The following LANCL2 variants were observed in gnomAD, a reference collection of about 807,000 sequenced individuals.
LANCL2 encodes LanC like glutathione S-transferase 2.
A neutral mutation model predicts 56.9 loss-of-function variants in LANCL2; 33 were observed. The ratio of observed to expected loss-of-function variants is 0.58; its 90% confidence interval spans 0.44 to 0.78. LANCL2 has a LOEUF of 0.78. Ranked by LOEUF, LANCL2 falls within the 30% of genes least tolerant of loss-of-function variation. The pLI, the probability that LANCL2 is intolerant of heterozygous loss-of-function variation, is 0.00. For missense variants in LANCL2, 562 were observed against 580.2 expected (o/e 0.97, Z 0.32); for synonymous variants, 233 against 228.2 (o/e 1.02, Z -0.19).
At chr7:55,411,457 T>C (rs113284140) in intron 5 of LANCL2, 2,748 of 153,456 alleles carry the variant, frequency 0.018, 82 homozygotes, top group African/African-American at 0.061. Flanking sequence ...GCTATGATTA[T>C]TCTATTTTAG....
intron 6 of LANCL2, among the ~76,000 whole-genome samples, chr7:55,421,843 A>G (rs1396541421): frequency 3.3e-5 from 5 of 152,202 alleles, no homozygotes; most frequent in African/African-American, 7.2e-5. Flanking sequence ...TATAAAATCT[A>G]TGAATGTTGT....
intron 5 of LANCL2, among the ~76,000 whole-genome samples, chr7:55,401,550 CT>C (rs58797958): frequency 1.9e-4 from 10 of 51,332 alleles, no homozygotes; most frequent in South Asian, 1.9e-3. Context: ...TTCCAATTTT[CT>C]TTTTTTTTTT....
intron 6 of LANCL2, among the ~76,000 whole-genome samples, chr7:55,413,615 A>T (rs969032307): frequency 7.2e-5 from 11 of 152,240 alleles, no homozygotes; most frequent in Admixed American, 5.9e-4. Flanking sequence ...ACTGCTGGCC[A>T]CTTGGGAGCA....
intron 1 of LANCL2, among the ~76,000 whole-genome samples, chr7:55,384,281 C>T (rs1790100564): frequency 6.6e-6 from 1 of 152,182 alleles, no homozygotes; most frequent in South Asian, 2.1e-4. Flanking sequence ...GGGCCGGGTG[C>T]AGTGGCTCAC....
chr7:55,379,005 C>T (rs1298334596), intron 1 of LANCL2, among the ~76,000 whole-genome samples: 3 of 152,138 alleles, frequency 2.0e-5, no homozygotes, highest in Non-Finnish European at 2.9e-5. Context: ...GTTGCAGGCG[C>T]CTGTAGTCCC....
intron 1 of LANCL2, among the ~76,000 whole-genome samples, chr7:55,367,693 C>G (rs902743876): frequency 6.6e-6 from 1 of 152,216 alleles, no homozygotes; most frequent in Non-Finnish European, 1.5e-5. Flanking sequence ...CCATTGCACT[C>G]CAGCCTGGGC....
chr7:55,369,850 A>G (rs1789923272), intron 1 of LANCL2, among the ~76,000 whole-genome samples: 1 of 152,182 alleles, frequency 6.6e-6, no homozygotes, highest in African/African-American at 2.4e-5. Context: ...GAGAACTCTG[A>G]AGAGTGTAGG....
chr7:55,384,664 T>A (rs1172926302), intron 1 of LANCL2, among the ~76,000 whole-genome samples: 1 of 151,692 alleles, frequency 6.6e-6, no homozygotes, highest in Non-Finnish European at 1.5e-5. Flanking sequence ...AAAGAGCACA[T>A]CTTGGTAGGA....
intron 1 of LANCL2, among the ~76,000 whole-genome samples, chr7:55,379,051 A>G (rs1204706011): frequency 6.6e-6 from 1 of 152,132 alleles, no homozygotes; most frequent in African/African-American, 2.4e-5. Context: ...GAATGGTGTG[A>G]AGGCAGGAGA....
Position 55,419,439 on chromosome 7 carries a change from T to G in LANCL2, c.1009-5815T>G, listed in dbSNP as rs575210251. ...TTTTTGGAGATAGAATCTTGCTGTT[T>G]CTCCCAGGCTGGAGTGCAGTGGCAC... On this transcript the variant is annotated intron_variant, in intron 6 of 8. Transcript: ENST00000254770. Among the ~76,000 whole-genome samples the G allele has an allele frequency of 1.1e-3, 164 of 150,974 alleles. 2 individuals are homozygous for G. The highest frequency in any genetic ancestry group is 2.0e-3 in the Non-Finnish European group (137 of 67,724).
At chr7:55,367,746 C>G (rs1789891876) in intron 1 of LANCL2, among the ~76,000 whole-genome samples, 1 of 152,126 alleles carries the variant, frequency 6.6e-6, no homozygotes, top group African/African-American at 2.4e-5. Context: ...GCAAGCAAAC[C>G]TGTGGGAACA....
chr7:55,369,529 A>G (rs1053806545), intron 1 of LANCL2, among the ~76,000 whole-genome samples: 2 of 152,172 alleles, frequency 1.3e-5, no homozygotes, highest in Admixed American at 6.5e-5. Context: ...AAAGCAGTGA[A>G]CCAGTGTAGT....
intron 6 of LANCL2, among the ~76,000 whole-genome samples, chr7:55,425,039 A>G (rs1049647381): frequency 1.3e-5 from 2 of 152,186 alleles, no homozygotes; most frequent in Non-Finnish European, 2.9e-5. Flanking sequence ...CACTGGTGCC[A>G]AAAAGGTTGG....
At chr7:55,409,849 C>T (rs1440441381) in intron 5 of LANCL2, among the ~76,000 whole-genome samples, 1 of 152,118 alleles carries the variant, frequency 6.6e-6, no homozygotes. Flanking sequence ...GAAAGTTACT[C>T]CAGGAAAAAC....
chr7:55,388,249 T>C (rs1790147301), intron 1 of LANCL2, among the ~76,000 whole-genome samples: 1 of 151,922 alleles, frequency 6.6e-6, no homozygotes, highest in Non-Finnish European at 1.5e-5. Flanking sequence ...AAGAAGAAAA[T>C]AGAAGAAAGG....
chr7:55,376,466 G>T (rs1024206248), intron 1 of LANCL2, among the ~76,000 whole-genome samples: 4 of 152,092 alleles, frequency 2.6e-5, no homozygotes, highest in African/African-American at 9.7e-5. Flanking sequence ...CCCCACTGAC[G>T]GTACTCCCTC....
chr7:55,412,562 T>A (rs1376589416), intron 6 of LANCL2, among the ~76,000 whole-genome samples: 1 of 152,228 alleles, frequency 6.6e-6, no homozygotes, highest in Non-Finnish European at 1.5e-5. Flanking sequence ...TTTGTATACG[T>A]CTGGGGTACT....
Position 55,391,843 on chromosome 7 carries a change from G to T in LANCL2, c.255G>T (p.Leu85=). The T allele has an allele frequency of 6.2e-7, 1 of 1,612,874 alleles. No individual in the cohort carries two copies. The highest frequency in any genetic ancestry group is 8.5e-7 in the Non-Finnish European group (1 of 1,179,036). ...TCCAGACCAAAATTAAAGATCTTCT[G>T]CAGCAAATGGAAGAAGGGCTGAAGA... ...RRIQTKIKDL[L]QQMEEGLKTA... The change falls in exon 2 of 9, where the codon CTG becomes CTT. Residue 85 remains leucine, a synonymous_variant. Coordinates refer to ENST00000254770, the MANE Select transcript of LANCL2 (RefSeq NM_018697.4).
chr7:55,368,473 GATTTT>G (rs1435737422), intron 1 of LANCL2, among the ~76,000 whole-genome samples: 1 of 152,178 alleles, frequency 6.6e-6, no homozygotes, highest in Non-Finnish European at 1.5e-5. Flanking sequence ...GATGGATAGT[GATTTT>G]AAAAGGTGGA....
Sources: allele counts gnomAD v4.1 joint callset (sites outside exome capture counted in the v4.1 genomes callset), GRCh38; gene constraint gnomAD v4.1.1; transcripts MANE v1.5; gene names NCBI Gene and HGNC (gene_info 2026-07-23, HGNC 2026-07-21).